Variants in NRG1 observed in about 807,000 individuals in gnomAD.
The protein encoded by NRG1 is neuregulin 1, also known as pro-neuregulin-1, membrane-bound isoform.
NRG1 carries 18 observed loss-of-function variants against 63.8 expected under a neutral mutation model. That is an observed-to-expected ratio of 0.28 (90% CI 0.19 to 0.42). The LOEUF (loss-of-function observed/expected upper bound fraction) is 0.42. Among genes scored for constraint, NRG1 ranks in the 10% least tolerant of loss-of-function variants. The pLI, the probability that NRG1 is intolerant of heterozygous loss-of-function variation, is 1.00. For missense variants in NRG1, 762 were observed against 814.7 expected (o/e 0.94, Z 0.79); for synonymous variants, 302 against 301.3 (o/e 1.00, Z -0.02).
intron 1 of NRG1, among the ~76,000 whole-genome samples, chr8:32,269,276 G>A (rs1851303521): frequency 6.6e-6 from 1 of 152,152 alleles, no homozygotes; most frequent in African/African-American, 2.4e-5. Context: ...AAGTGAAGGA[G>A]GGTAAAGTTG....
chr8:32,239,806 A>C lies in NRG1; in HGVS notation c.38-356022A>C, dbSNP rs575871806. 7.2e-4 allele frequency among the ~76,000 whole-genome samples: 109 copies of C among 152,330 alleles called. 2 individuals carry two copies. The highest frequency in any genetic ancestry group is 6.3e-3 in the Admixed American group (97 of 15,282). Reference sequence around the variant, plus strand: ...ACAGATGGAAAATAAGCACATGAAAAGATGTTCAATATCATTAGCCATTAG... The same window carrying C: ...ACAGATGGAAAATAAGCACATGAAACGATGTTCAATATCATTAGCCATTAG... On this transcript the variant is annotated intron_variant, in intron 1 of 10. Transcript: ENST00000519301.
At position 32,598,559 on chromosome 8, in the gene NRG1, A is replaced by G. The variant is rs1012046848; in HGVS notation, c.278+2554A>G. Among the ~76,000 whole-genome samples, 5 of 152,126 alleles carry G rather than the reference A, an allele frequency of 3.3e-5. No individual in the cohort carries two copies. The East Asian group carries it at 9.6e-4, about 29-fold the overall frequency. Reference sequence around the variant, plus strand: ...CTACATATTAATAAAATCCCATTATACCAGAAAGGGCAATAGTTAGAAATT... The same window carrying G: ...CTACATATTAATAAAATCCCATTATGCCAGAAAGGGCAATAGTTAGAAATT... On this transcript the variant is annotated intron_variant, in intron 2 of 11. Coordinates refer to ENST00000356819, the Ensembl canonical transcript of NRG1.
At chr8:31,951,651 T>C (rs1199856496) in intron 1 of NRG1, among the ~76,000 whole-genome samples, 2 of 152,208 alleles carry the variant, frequency 1.3e-5, no homozygotes, top group African/African-American at 2.4e-5. Flanking sequence ...AGGAAATCTA[T>C]TCTGATGAAT....
chr8:32,398,001 C>T (rs1429987584), intron 1 of NRG1, among the ~76,000 whole-genome samples: 3 of 152,166 alleles, frequency 2.0e-5, no homozygotes, highest in Non-Finnish European at 4.4e-5. Flanking sequence ...AGAAAAAAAT[C>T]TATTCTGTGA....
At chr8:31,776,939 A>G (rs931973820) in intron 1 of NRG1, among the ~76,000 whole-genome samples, 7 of 152,036 alleles carry the variant, frequency 4.6e-5, no homozygotes, top group African/African-American at 7.2e-5. Flanking sequence ...ACACTTTTAC[A>G]CTGTTGGTGG....
intron 1 of NRG1, among the ~76,000 whole-genome samples, chr8:32,482,364 C>A (rs931756581): frequency 6.7e-6 from 1 of 149,358 alleles, no homozygotes. Flanking sequence ...TGGAACCAAT[C>A]CAAATTTGGG....
At chr8:31,852,236 T>G (rs1485489153) in intron 1 of NRG1, among the ~76,000 whole-genome samples, 98 of 151,090 alleles carry the variant, frequency 6.5e-4, no homozygotes, top group Middle Eastern at 3.4e-3. Context: ...CAGTGTAAAA[T>G]TGTTCCTATT....
intron 1 of NRG1, among the ~76,000 whole-genome samples, chr8:32,407,938 G>A (rs1213459759): frequency 6.6e-6 from 1 of 152,194 alleles, no homozygotes; most frequent in Non-Finnish European, 1.5e-5. Context: ...GAAGGAATCT[G>A]AGAAGTCACC....
intron 5 of NRG1, among the ~76,000 whole-genome samples, chr8:32,683,108 G>T (rs539353879): frequency 6.6e-6 from 1 of 152,230 alleles, no homozygotes; most frequent in African/African-American, 2.4e-5. Flanking sequence ...TTAAAATTTT[G>T]GATCAGCTTT....
chr8:32,771,097 T>C (rs1031938349), downstream of NRG1, among the ~76,000 whole-genome samples: 1 of 151,884 alleles, frequency 6.6e-6, no homozygotes, highest in Non-Finnish European at 1.5e-5. Flanking sequence ...CTTTGATAAG[T>C]TCTTTAGGTT....
At chr8:32,331,697 G>A (rs1802675747) in intron 1 of NRG1, among the ~76,000 whole-genome samples, 1 of 152,144 alleles carries the variant, frequency 6.6e-6, no homozygotes, top group Non-Finnish European at 1.5e-5. Flanking sequence ...GGAAGTGTGA[G>A]TAACAAGTTA....
Position 31,813,810 on chromosome 8 carries a change from A to G in NRG1, c.37+174379A>G, listed in dbSNP as rs537740758. Among the ~76,000 whole-genome samples the G allele has an allele frequency of 1.6e-4, 25 of 152,128 alleles. 1 individual carries two copies. In the South Asian group the frequency reaches 5.2e-3, roughly 32 times the overall value. Reference sequence around the variant, plus strand: ...CCAGAGTGCGGGGATTATAGGTGTGAGCCATCATGCCTGGCCAGGAATTTT... The same window carrying G: ...CCAGAGTGCGGGGATTATAGGTGTGGGCCATCATGCCTGGCCAGGAATTTT... On this transcript the variant is annotated intron_variant, in intron 1 of 10. Coordinates refer to the NRG1 transcript ENST00000519301.
chr8:32,626,880 G>A (rs1282731137), intron 5 of NRG1, among the ~76,000 whole-genome samples: 1 of 151,812 alleles, frequency 6.6e-6, no homozygotes, highest in African/African-American at 2.4e-5. Context: ...AATTAGCCAG[G>A]CATGGAGGCA....
At chr8:32,375,148 A>G (rs905778448) in intron 1 of NRG1, among the ~76,000 whole-genome samples, 3 of 37,772 alleles carry the variant, frequency 7.9e-5, no homozygotes, top group Admixed American at 7.8e-4. Flanking sequence ...ACACCTGGAT[A>G]TAGTTTTTTT....
chr8:32,281,204 A>C (rs1308871571), intron 1 of NRG1, among the ~76,000 whole-genome samples: 2 of 16,160 alleles, frequency 1.2e-4, no homozygotes, highest in Non-Finnish European at 2.1e-4. Flanking sequence ...TTGAGACAGA[A>C]TCTCGCTCTG....
At chr8:32,275,625 T>G (rs529360360) in intron 1 of NRG1, among the ~76,000 whole-genome samples, 1 of 151,838 alleles carries the variant, frequency 6.6e-6, no homozygotes, top group South Asian at 2.1e-4. Context: ...TACAGGAGGG[T>G]GAGCAAGGAG....
At chr8:31,728,892 G>T (rs1353136501) in intron 1 of NRG1, among the ~76,000 whole-genome samples, 1 of 152,068 alleles carries the variant, frequency 6.6e-6, no homozygotes, top group Non-Finnish European at 1.5e-5. Flanking sequence ...TCTCAGAAAA[G>T]GTATTGAAAT....
chr8:32,044,728 G>T (rs1363495907), intron 1 of NRG1, among the ~76,000 whole-genome samples: 1 of 117,290 alleles, frequency 8.5e-6, no homozygotes, highest in Non-Finnish European at 1.7e-5. Flanking sequence ...CAAAGAAGAA[G>T]TGTCAAAAAA....
Position 31,703,485 on chromosome 8 carries a change from C to T in NRG1, c.37+64054C>T, listed in dbSNP as rs572573652. Among the ~76,000 whole-genome samples the T allele has an allele frequency of 7.2e-5, 11 of 152,224 alleles. No individual in the cohort carries two copies. The East Asian group carries it at 1.9e-3, about 27-fold the overall frequency. ...TTTTGCATTGCTGGTTTCAATTATT[C>T]TGAAAGGACTTTTATTTTTATGGAA... is the stretch of plus-strand genomic sequence containing the variant. On this transcript the variant is annotated intron_variant, in intron 1 of 10. Coordinates refer to the NRG1 transcript ENST00000519301.
Sources: allele counts gnomAD v4.1 joint callset (sites outside exome capture counted in the v4.1 genomes callset), GRCh38; gene constraint gnomAD v4.1.1; transcripts MANE v1.5; gene names NCBI Gene and HGNC (gene_info 2026-07-23, HGNC 2026-07-21).